SLC8A3: variants seen among roughly 807,000 people sequenced by gnomAD.
The protein encoded by SLC8A3 is sodium/calcium exchanger 3.
In SLC8A3, 37 loss-of-function variants were observed where a neutral mutation model predicts 65.4. That is an observed-to-expected ratio of 0.57 (90% CI 0.44 to 0.74). The LOEUF (loss-of-function observed/expected upper bound fraction) is 0.74, where lower values mean the gene tolerates loss of function less well. Among genes scored for constraint, SLC8A3 ranks in the 30% least tolerant of loss-of-function variants. SLC8A3 has a pLI of 0.00. For synonymous variants in SLC8A3, 461 were observed against 444.5 expected, an observed-to-expected ratio of 1.04 and a Z score of -0.47; for missense variants, 1,112 against 1,172.1, an observed-to-expected ratio of 0.95 and a Z score of 0.75.
At chr14:70,177,650 C>A (rs1252241533) in intron 1 of SLC8A3, among the ~76,000 whole-genome samples, 2 of 152,156 alleles carry the variant, frequency 1.3e-5, no homozygotes, top group Admixed American at 6.5e-5. Flanking sequence ...GCGTCTGTTT[C>A]CAGAAGGATG....
At chr14:70,098,375 A>G (rs1180547423) in intron 2 of SLC8A3, among the ~76,000 whole-genome samples, 2 of 152,118 alleles carry the variant, frequency 1.3e-5, no homozygotes, top group African/African-American at 4.8e-5. Flanking sequence ...ACGCAACTGC[A>G]TGGGCTAAAA....
At chr14:70,172,046 TG>T (rs913100830) in intron 1 of SLC8A3, among the ~76,000 whole-genome samples, 1 of 152,118 alleles carries the variant, frequency 6.6e-6, no homozygotes, top group African/African-American at 2.4e-5. Flanking sequence ...CCCAACATCT[TG>T]GGGGTCCAGC....
At chr14:70,074,347 C>G (rs1011955966) in intron 2 of SLC8A3, among the ~76,000 whole-genome samples, 2 of 152,218 alleles carry the variant, frequency 1.3e-5, no homozygotes, top group South Asian at 4.1e-4. Flanking sequence ...TTTTATACCA[C>G]CTGGAGACAA....
chr14:70,177,613 T>C (rs1897986482), intron 1 of SLC8A3, among the ~76,000 whole-genome samples: 1 of 152,192 alleles, frequency 6.6e-6, no homozygotes, highest in South Asian at 2.1e-4. Flanking sequence ...AATCCCATGC[T>C]AAAGGGCATG....
chr14:70,161,962 C>T (rs1896919805), intron 2 of SLC8A3, among the ~76,000 whole-genome samples: 1 of 152,236 alleles, frequency 6.6e-6, no homozygotes, highest in Non-Finnish European at 1.5e-5. Context: ...TTCACCAGCA[C>T]TGCCTAAAAG....
At chr14:70,170,435 A>G (rs192635354) in intron 1 of SLC8A3, among the ~76,000 whole-genome samples, 1 of 152,186 alleles carries the variant, frequency 6.6e-6, no homozygotes, top group African/African-American at 2.4e-5. Flanking sequence ...CATCCAATAA[A>G]CAGTGAATGA....
rs750328115 is a variant in SLC8A3, at chr14:70,060,948, A to G, written c.1785-9T>C. On this transcript the variant is annotated splice_polypyrimidine_tract_variant and intron_variant, in intron 2 of 6. Transcript: ENST00000356921. ...TAACCCTTATGGTTTTCCTGTAGGGACAACAAGAGAGAGAGTGTGTCGACT... is the reference window on the plus strand; with the variant it reads ...TAACCCTTATGGTTTTCCTGTAGGGGCAACAAGAGAGAGAGTGTGTCGACT... The G allele has an allele frequency of 3.2e-6, 4 of 1,268,370 alleles. No homozygotes were observed. Among genetic ancestry groups the G allele is most frequent in the Non-Finnish European group, 4.4e-6 (4 of 908,546 alleles). 78.6% of individuals were successfully genotyped at this position (1,268,370 alleles called of 1,614,324 possible).
At chr14:70,158,445 G>A (rs994107934) in intron 2 of SLC8A3, among the ~76,000 whole-genome samples, 2 of 152,216 alleles carry the variant, frequency 1.3e-5, no homozygotes, top group Non-Finnish European at 2.9e-5. Flanking sequence ...GATGGCAGTA[G>A]TAGTCATCCA....
intron 2 of SLC8A3, among the ~76,000 whole-genome samples, chr14:70,061,360 A>G (rs146028020): frequency 9.9e-4 from 151 of 152,288 alleles, no homozygotes; most frequent in African/African-American, 3.4e-3. Flanking sequence ...CAACAGGTAA[A>G]CTACTAACCC....
chr14:70,080,884 G>C (rs760566634), intron 2 of SLC8A3, among the ~76,000 whole-genome samples: 6 of 152,122 alleles, frequency 3.9e-5, no homozygotes, highest in Non-Finnish European at 8.8e-5. Flanking sequence ...AAGTGGCCTG[G>C]TGAAGTGGGA....
intron 2 of SLC8A3, among the ~76,000 whole-genome samples, chr14:70,122,360 G>A (rs986707013): frequency 3.3e-5 from 5 of 152,124 alleles, no homozygotes; most frequent in Non-Finnish European, 7.4e-5. Flanking sequence ...CACACCCATG[G>A]GGTCCTTGTC....
chr14:70,115,269 T>G (rs1328180019), intron 2 of SLC8A3, among the ~76,000 whole-genome samples: 1 of 152,200 alleles, frequency 6.6e-6, no homozygotes, highest in African/African-American at 2.4e-5. Context: ...AGTCATCTTT[T>G]CTTCCCCACT....
chr14:70,111,826 A>G (rs1410199140), intron 2 of SLC8A3, among the ~76,000 whole-genome samples: 1 of 152,250 alleles, frequency 6.6e-6, no homozygotes, highest in Admixed American at 6.5e-5. Context: ...AATTTGGGAT[A>G]AATTTTAAAG....
chr14:70,064,574 GA>G (rs1339740341), intron 2 of SLC8A3, among the ~76,000 whole-genome samples: 1 of 152,010 alleles, frequency 6.6e-6, no homozygotes, highest in African/African-American at 2.4e-5. Context: ...ATGCTGGGGG[GA>G]AATTTGGCTC....
At chr14:70,080,028 T>C in intron 2 of SLC8A3, 2 of 899,384 alleles carry the variant, frequency 2.2e-6, no homozygotes, top group Non-Finnish European at 2.7e-6. Flanking sequence ...TGGGTTGTCG[T>C]GCGGGTGACA....
chr14:70,164,491 C>A (rs988495516), intron 2 of SLC8A3, among the ~76,000 whole-genome samples: 1 of 152,038 alleles, frequency 6.6e-6, no homozygotes, highest in Non-Finnish European at 1.5e-5. Flanking sequence ...GTTGACATAC[C>A]TTTAGAATGA....
At chr14:70,177,117 A>G (rs1897956071) in intron 1 of SLC8A3, among the ~76,000 whole-genome samples, 2 of 152,280 alleles carry the variant, frequency 1.3e-5, no homozygotes, top group Non-Finnish European at 2.9e-5. Context: ...CCAAGAGGGT[A>G]GAAATTTTTA....
intron 2 of SLC8A3, among the ~76,000 whole-genome samples, chr14:70,063,654 G>A (rs1307647393): frequency 6.6e-6 from 1 of 152,198 alleles, no homozygotes; most frequent in Non-Finnish European, 1.5e-5. Flanking sequence ...AGAGGACAGA[G>A]GAGAGGGAGG....
At chr14:70,149,125 G>T (rs76367998) in intron 2 of SLC8A3, among the ~76,000 whole-genome samples, 1,847 of 152,246 alleles carry the variant, frequency 0.012, 34 homozygotes, top group African/African-American at 0.041. Context: ...TGGAATTCCT[G>T]GCACACAGTA....
Sources: gnomAD v4.1 joint callset for allele counts (sites outside exome capture counted in the v4.1 genomes callset) on GRCh38, gnomAD v4.1.1 for gene constraint, MANE v1.5 for transcripts, NCBI Gene and HGNC (gene_info 2026-07-23, HGNC 2026-07-21) for gene names.